The following MON2 variants were observed in gnomAD, a reference collection of about 807,000 sequenced individuals.
The protein encoded by MON2 is MON2 regulator of endosome-to-Golgi trafficking, also known as protein MON2 homolog.
A neutral mutation model predicts 208.6 loss-of-function variants in MON2; 84 were observed. The ratio of observed to expected loss-of-function variants is 0.40; its 90% confidence interval spans 0.34 to 0.48. The LOEUF is 0.48. MON2 is among the 20% of genes least tolerant of loss of function. MON2 has a pLI of 0.59. For missense variants in MON2, 1,611 were observed against 2,015.4 expected (o/e 0.80, Z 3.84); for synonymous variants, 660 against 694.0 (o/e 0.95, Z 0.77).
intron 23 of MON2, among the ~76,000 whole-genome samples, chr12:62,552,474 C>T (rs1477040821): frequency 6.6e-6 from 1 of 151,936 alleles, no homozygotes; most frequent in African/African-American, 2.4e-5. Context: ...TATGAAATTA[C>T]AAACTTATTA....
Position 62,501,509 on chromosome 12 carries a change from A to T in MON2, c.664-64A>T. 2 of 1,572,228 alleles carry T rather than the reference A, an allele frequency of 1.3e-6. 1 individual carries two copies. The highest frequency in any genetic ancestry group is 3.5e-5 in the Admixed American group (2 of 56,382). ...GATAGATTTTTTTTAAAGATTTATG[A>T]ACTGCGAGTTTGGAAAAGCACATTT... is the stretch of plus-strand genomic sequence containing the variant. On this transcript the variant is annotated intron_variant, in intron 6 of 34. Coordinates refer to ENST00000393630, the MANE Select transcript of MON2 (RefSeq NM_015026.3).
At chr12:62,507,970 T>C (rs1444712129) in intron 7 of MON2, among the ~76,000 whole-genome samples, 2 of 152,056 alleles carry the variant, frequency 1.3e-5, no homozygotes, top group Non-Finnish European at 2.9e-5. Flanking sequence ...GGAGTCTCAC[T>C]GTTTTGCCAA....
At chr12:62,566,630 C>A (rs1420801169) in intron 29 of MON2, among the ~76,000 whole-genome samples, 180 bp downstream of exon 29, 1 of 149,700 alleles carries the variant, frequency 6.7e-6, no homozygotes, top group African/African-American at 2.5e-5. Flanking sequence ...TCTAAAAGTT[C>A]TTTTTAGTGA....
rs758208470 is a variant in MON2, at chr12:62,585,459, A to T, written c.4865A>T (p.Tyr1622Phe). The change falls in exon 33 of 35, where the codon TAT becomes TTT. Residue 1622 changes from tyrosine to phenylalanine, a missense_variant. Coordinates refer to ENST00000393630, the MANE Select transcript of MON2 (RefSeq NM_015026.3). ...LKRSQDVLHR[Y>F]IEDERLSGKC... Reference sequence around the variant, plus strand: ...AGGTCCCAAGATGTACTACATCGCTATATAGAGGATGAAAGATTAAGTGGT... The same window carrying T: ...AGGTCCCAAGATGTACTACATCGCTTTATAGAGGATGAAAGATTAAGTGGT... The T allele has an allele frequency of 1.9e-6, 3 of 1,612,834 alleles. No homozygotes were observed. In the Admixed American group the frequency reaches 5.0e-5, roughly 27 times the overall value.
In MON2 at chr12:62,535,569, C is replaced by T; in HGVS notation, c.1760C>T (p.Thr587Ile). 1 of 1,613,664 alleles carries T rather than the reference C, an allele frequency of 6.2e-7. No homozygotes were observed. The highest frequency in any genetic ancestry group is 8.5e-7 in the Non-Finnish European group (1 of 1,179,794). Residue 587 changes from threonine to isoleucine, a missense_variant, in exon 14 of 35, where the codon ACT (threonine) becomes ATT (isoleucine). Thr to Ile is a moderately conservative substitution (Grantham distance 89). Coordinates refer to ENST00000393630, the MANE Select transcript of MON2 (RefSeq NM_015026.3). The stretch of plus-strand genomic sequence containing the variant: ...GAGAATATTTTAAAAGCTGAACTGA[C>T]TATGGCTGCTCTTTGTGGAAGACTG... ...ATENILKAEL[T>I]MAALCGRLGL...
chr12:62,546,843 C>T, intron 21 of MON2, 54 bp from the exon 22 acceptor site: 3 of 1,336,400 alleles, frequency 2.2e-6, no homozygotes, highest in Non-Finnish European at 3.1e-6. Flanking sequence ...AACAGTAAAG[C>T]CTTCTTGTCT....
At chr12:62,521,965 G>T (rs560354784) in intron 8 of MON2, among the ~76,000 whole-genome samples, 1 of 152,180 alleles carries the variant, frequency 6.6e-6, no homozygotes, top group Non-Finnish European at 1.5e-5. Context: ...GGCCAAGGCG[G>T]GTGGATCACT....
At chr12:62,564,988 T>C (rs2074326667) in intron 26 of MON2, 4 of 329,164 alleles carry the variant, frequency 1.2e-5, no homozygotes, top group East Asian at 7.0e-5. Flanking sequence ...TTGTTGGCCC[T>C]TTTTCTATTC....
chr12:62,585,100 CACACACACACAAAACAAAA>C (rs1304973353), intron 32 of MON2, among the ~76,000 whole-genome samples, 175 bp from the exon 33 acceptor site: 67 of 55,898 alleles, frequency 1.2e-3, no homozygotes, highest in Non-Finnish European at 1.9e-3. Flanking sequence ...CACACACACA[CACACACACACAAAACAAAA>C]AAAAACAAAA....
At position 62,571,483 on chromosome 12, in the gene MON2, T is replaced by C. The variant is rs755108142; in HGVS notation, c.4415T>C (p.Ile1472Thr). ...AVSSLLRVLSIGLPVARQHAS... is the reference protein window; with the variant it reads ...AVSSLLRVLSTGLPVARQHAS... ...TCCTCTCTCCTCAGAGTTCTTTCTA[T>C]TGGGCTACCTGTTGCCCGGCAGCAT... Residue 1472 changes from isoleucine to threonine, a missense_variant, in exon 30 of 35, where the codon ATT becomes ACT. By Grantham distance (89) the Ile-to-Thr change is moderately conservative (BLOSUM62 -1). Coordinates refer to ENST00000393630, the MANE Select transcript of MON2 (RefSeq NM_015026.3). The C allele has an allele frequency of 3.1e-6, 5 of 1,613,922 alleles. No individual in the cohort carries two copies. The East Asian group carries it at 1.1e-4, about 36-fold the overall frequency.
Position 62,486,183 on chromosome 12 carries a change from C to A in MON2, c.175+1950C>A, listed in dbSNP as rs116701945. On this transcript the variant is annotated intron_variant, in intron 2 of 34. Coordinates refer to ENST00000393630, the MANE Select transcript of MON2 (RefSeq NM_015026.3). ...CTGTTGCTAATATCATTGTTGATAC[C>A]GTGGTAAGTCCTTAATTATTCTCCA... is the stretch of plus-strand genomic sequence containing the variant. Among the ~76,000 whole-genome samples, 1,380 of 151,832 alleles carry A rather than the reference C, an allele frequency of 9.1e-3. 24 individuals carry two copies. Among genetic ancestry groups the A allele is most frequent in the African/African-American group, 0.031 (1,304 of 41,438 alleles).
intron 29 of MON2, among the ~76,000 whole-genome samples, chr12:62,571,183 G>C (rs1211423185): frequency 6.6e-6 from 1 of 152,122 alleles, no homozygotes; most frequent in South Asian, 2.1e-4. Flanking sequence ...GATAGAGATA[G>C]GATTTAAAAG....
rs750016693 is a variant in MON2 at position 62,553,119 on chromosome 12, T to C, written c.3155T>C (p.Ile1052Thr). ...KSAGQTLFST[I>T]GAHGTLLQHS... ...GCAGGGCAAACTCTGTTTTCTACAA[T>C]TGGTGCGCATGGAACTTTATTACAG... Residue 1052 changes from isoleucine to threonine, a missense_variant, in exon 24 of 35, where the codon ATT (isoleucine) becomes ACT (threonine). By Grantham distance (89) the Ile-to-Thr change is moderately conservative (BLOSUM62 -1). Coordinates refer to ENST00000393630, the MANE Select transcript of MON2 (RefSeq NM_015026.3). The C allele has an allele frequency of 3.7e-6, 6 of 1,614,050 alleles. No individual in the cohort carries two copies. Among genetic ancestry groups the C allele is most frequent in the African/African-American group, 1.3e-5 (1 of 74,936 alleles).
chr12:62,563,371 C>T lies in MON2; in HGVS notation c.4033-1866C>T, dbSNP rs188752677. 1.8e-3 allele frequency among the ~76,000 whole-genome samples: 277 copies of T among 152,238 alleles called. 2 individuals carry two copies. The highest frequency in any genetic ancestry group is 6.4e-3 in the African/African-American group (266 of 41,544). On this transcript the variant is annotated intron_variant, in intron 26 of 34. Transcript: ENST00000393630. The stretch of plus-strand genomic sequence containing the variant: ...AAGTTCTCTAGCAAAGACCTTAGTA[C>T]GTGCCAGGCACTGAAAAGATTATTA...
At chr12:62,496,341 ATTTAT>A (rs1398872836) in intron 4 of MON2, among the ~76,000 whole-genome samples, 2 of 152,114 alleles carry the variant, frequency 1.3e-5, no homozygotes, top group Non-Finnish European at 2.9e-5. Context: ...TGGTTATAGG[ATTTAT>A]TTTAGTATGT....
rs1289681232 is a variant in MON2, at chr12:62,560,940, A to G, written c.3859A>G (p.Ile1287Val). The change falls in exon 26 of 35, where the codon ATA becomes GTA. Residue 1287 changes from isoleucine (I) to valine (V), a missense_variant. Physicochemically the swap from Ile to Val is conservative, Grantham distance 29 (BLOSUM62 3). Coordinates refer to ENST00000393630, the MANE Select transcript of MON2 (RefSeq NM_015026.3). ...GATATTTCCAGCTCTCTACCAACAC[A>G]TAAAAACTGGTTTCAATATGGATGA... ...IQIFPALYQHIKTGFNMDDLQ... is the reference protein window; with the variant it reads ...IQIFPALYQHVKTGFNMDDLQ... The G allele has an allele frequency of 2.5e-6, 4 of 1,613,986 alleles. No homozygotes were observed. The Admixed American group carries it at 5.0e-5, about 20-fold the overall frequency.
intron 30 of MON2, 90 bp downstream of exon 30, chr12:62,571,672 A>C: frequency 9.3e-7 from 1 of 1,071,038 alleles, no homozygotes; most frequent in Non-Finnish European, 1.3e-6. Flanking sequence ...TCATTAACAA[A>C]GTAATTGATT....
chr12:62,474,774 C>A (rs1165559034), intron 1 of MON2, among the ~76,000 whole-genome samples: 1 of 152,164 alleles, frequency 6.6e-6, no homozygotes, highest in East Asian at 1.9e-4. Context: ...ACGTCATTTT[C>A]CCCCTATTTC....
At chr12:62,497,172 G>C (rs1428160074) in intron 4 of MON2, among the ~76,000 whole-genome samples, 1 of 129,052 alleles carries the variant, frequency 7.7e-6, no homozygotes, top group Non-Finnish European at 1.6e-5. Flanking sequence ...TTGGGGGAGG[G>C]GGGAGGGGGG....
Sources: allele counts gnomAD v4.1 joint callset (sites outside exome capture counted in the v4.1 genomes callset), GRCh38; gene constraint gnomAD v4.1.1; transcripts MANE v1.5; gene names NCBI Gene and HGNC (gene_info 2026-07-23, HGNC 2026-07-21).